Variants in FOXP1 observed in about 807,000 individuals in gnomAD.
FOXP1 encodes forkhead box P1.
A neutral mutation model predicts 98.2 loss-of-function variants in FOXP1; 15 were observed. The observed-to-expected ratio is 0.15, with a 90% CI of 0.10 to 0.24. The LOEUF is 0.24. Ranked by LOEUF, FOXP1 falls within the 10% of genes least tolerant of loss-of-function variation. The pLI is 1.00. For missense variants in FOXP1, 633 were observed against 848.5 expected (o/e 0.75, Z 3.15); for synonymous variants, 371 against 314.5 (o/e 1.18, Z -1.90).
At chr3:71,581,062 G>T (rs764567803) in intron 2 of FOXP1, 165 of 967,272 alleles carry the variant, frequency 1.7e-4, no homozygotes, top group Non-Finnish European at 2.0e-4. Flanking sequence ...ATGAGGGCTT[G>T]TGGGGTGGGG....
At chr3:70,973,732 AGGTGACTCAATTGGGGCTT>A (rs1215418139) in intron 17 of FOXP1, among the ~76,000 whole-genome samples, 1 of 151,744 alleles carries the variant, frequency 6.6e-6, no homozygotes, top group African/African-American at 2.4e-5. Context: ...ACTCAATAGT[AGGTGACTCAATTGGGGCTT>A]GAGAAGTTGA....
intron 3 of FOXP1, among the ~76,000 whole-genome samples, chr3:71,473,745 G>A (rs1244874451): frequency 2.6e-5 from 4 of 152,176 alleles, no homozygotes; most frequent in Non-Finnish European, 5.9e-5. Flanking sequence ...TTAGAAGGGG[G>A]TTGATATTAG....
At chr3:71,459,804 T>A (rs1422200717) in intron 3 of FOXP1, among the ~76,000 whole-genome samples, 1 of 152,260 alleles carries the variant, frequency 6.6e-6, no homozygotes, top group Non-Finnish European at 1.5e-5. Flanking sequence ...TGTGTTAAGC[T>A]GATTTCAATT....
At chr3:71,250,061 C>T (rs1271271760) in intron 5 of FOXP1, among the ~76,000 whole-genome samples, 3 of 152,208 alleles carry the variant, frequency 2.0e-5, no homozygotes, top group Non-Finnish European at 4.4e-5. Flanking sequence ...AAGTCCACCC[C>T]ACCAGACAGC....
At chr3:71,054,004 T>TG (rs2050270549) in intron 7 of FOXP1, among the ~76,000 whole-genome samples, 1 of 152,196 alleles carries the variant, frequency 6.6e-6, no homozygotes, top group South Asian at 2.1e-4. Context: ...CAGGCAGCCT[T>TG]GCAAGCACAC....
chr3:71,420,058 C>T (rs1263920023), intron 3 of FOXP1, among the ~76,000 whole-genome samples: 1 of 152,046 alleles, frequency 6.6e-6, no homozygotes, highest in Non-Finnish European at 1.5e-5. Flanking sequence ...ATCTGCCCAC[C>T]TTGGCCTCCC....
chr3:71,095,210 A>G (rs995462501), intron 7 of FOXP1, among the ~76,000 whole-genome samples: 2 of 152,236 alleles, frequency 1.3e-5, no homozygotes, highest in African/African-American at 4.8e-5. Flanking sequence ...CAAAAAATAT[A>G]ATCTCTCTTT....
chr3:70,980,288 G>A (rs1458372431), intron 14 of FOXP1, among the ~76,000 whole-genome samples: 1 of 152,160 alleles, frequency 6.6e-6, no homozygotes, highest in Non-Finnish European at 1.5e-5. Context: ...AAAGGGTCAA[G>A]GAAATTAGTG....
intron 7 of FOXP1, among the ~76,000 whole-genome samples, chr3:71,068,121 C>T: frequency 6.6e-6 from 1 of 151,746 alleles, no homozygotes; most frequent in East Asian, 1.9e-4. Context: ...TTTTTGATGC[C>T]CACATCCTAA....
At chr3:70,961,271 C>T (rs2033416004) in intron 20 of FOXP1, among the ~76,000 whole-genome samples, 1 of 152,104 alleles carries the variant, frequency 6.6e-6, no homozygotes, top group Non-Finnish European at 1.5e-5. Context: ...TGCTCTGTCA[C>T]CCAGGCTGGA....
At chr3:71,501,896 T>A (rs761999336) in intron 2 of FOXP1, among the ~76,000 whole-genome samples, 1 of 152,302 alleles carries the variant, frequency 6.6e-6, no homozygotes, top group African/African-American at 2.4e-5. Flanking sequence ...ACTGACTTCC[T>A]GTTCAAGCTC....
At chr3:71,549,884 A>AG (rs1456087063) in intron 2 of FOXP1, among the ~76,000 whole-genome samples, 18 of 151,052 alleles carry the variant, frequency 1.2e-4, no homozygotes, top group Admixed American at 2.6e-4. Flanking sequence ...AAAAAAAAAA[A>AG]AACGCTCTCT....
At chr3:71,442,851 T>C (rs2086069488) in intron 3 of FOXP1, among the ~76,000 whole-genome samples, 1 of 152,132 alleles carries the variant, frequency 6.6e-6, no homozygotes, top group Non-Finnish European at 1.5e-5. Context: ...AGGGTGGGGC[T>C]CCAGCACCTG....
At chr3:71,257,176 T>C (rs2068696094) in intron 5 of FOXP1, among the ~76,000 whole-genome samples, 2 of 152,170 alleles carry the variant, frequency 1.3e-5, no homozygotes, top group Admixed American at 1.3e-4. Context: ...GCTCCTAAAT[T>C]ATAAAAATTT....
At chr3:71,375,242 C>A (rs1300675384) in intron 3 of FOXP1, among the ~76,000 whole-genome samples, 1 of 152,134 alleles carries the variant, frequency 6.6e-6, no homozygotes, top group Non-Finnish European at 1.5e-5. Context: ...AAGTAGAGAA[C>A]TGGACAAGGG....
At position 71,181,197 on chromosome 3, in the gene FOXP1, G is replaced by A. The variant is rs749440728; in HGVS notation, c.180+17005C>T. On this transcript the variant is annotated intron_variant, in intron 6 of 20. Coordinates refer to ENST00000649528, the MANE Select transcript of FOXP1 (RefSeq NM_001349338.3). ...AGATGATTGGATTTTAATATAAAGC[G>A]GATGAGGTGGGCTAAAAAATGGAAC... 5.9e-4 allele frequency among the ~76,000 whole-genome samples: 90 copies of A among 152,232 alleles called. 1 individual carries two copies. Among genetic ancestry groups the A allele is most frequent in the African/African-American group, 2.0e-3 (85 of 41,534 alleles).
intron 5 of FOXP1, among the ~76,000 whole-genome samples, chr3:71,278,626 C>T (rs2071174406): frequency 6.6e-6 from 1 of 151,942 alleles, no homozygotes; most frequent in South Asian, 2.1e-4. Flanking sequence ...ACTACAAACA[C>T]AAACATTAGC....
intron 4 of FOXP1, among the ~76,000 whole-genome samples, chr3:71,335,946 G>A (rs1441500084): frequency 1.4e-5 from 2 of 147,724 alleles, no homozygotes; most frequent in East Asian, 4.0e-4. Context: ...GGAGGCGGAG[G>A]TTGCAGTGGA....
At chr3:71,436,787 GGT>G (rs1207810026) in intron 3 of FOXP1, among the ~76,000 whole-genome samples, 1 of 152,110 alleles carries the variant, frequency 6.6e-6, no homozygotes, top group Non-Finnish European at 1.5e-5. Flanking sequence ...CCAGGCAAGT[GGT>G]GATCTGTAGG....
Sources: allele counts gnomAD v4.1 joint callset (sites outside exome capture counted in the v4.1 genomes callset), GRCh38; gene constraint gnomAD v4.1.1; transcripts MANE v1.5; gene names NCBI Gene and HGNC (gene_info 2026-07-23, HGNC 2026-07-21).